Variants in ATG2A observed in about 807,000 individuals in gnomAD.
ATG2A encodes the protein autophagy related 2A.
A neutral mutation model predicts 214.2 loss-of-function variants in ATG2A; 103 were observed. The observed-to-expected ratio is 0.48, with a 90% CI of 0.41 to 0.57. The LOEUF is 0.57. Ranked by LOEUF, ATG2A falls within the 20% of genes least tolerant of loss-of-function variation. The pLI, the probability that ATG2A is intolerant of heterozygous loss-of-function variation, is 0.00. For synonymous variants in ATG2A, 1,160 were observed against 1,142.1 expected, an observed-to-expected ratio of 1.02 and a Z score of -0.32; for missense variants, 2,312 against 2,613.2, an observed-to-expected ratio of 0.88 and a Z score of 2.51.
In ATG2A at chr11:64,909,289, C is replaced by T. The variant is rs144151417; in HGVS notation, c.2186G>A (p.Arg729His). The T allele has an allele frequency of 3.6e-4, 581 of 1,613,680 alleles. 2 individuals are homozygous for T. In the African/African-American group the frequency reaches 6.6e-3, roughly 18 times the overall value. ...SKALDPKSTG[R>H]KYFLPQVVVT... is the part of the protein sequence containing the mutation. Reference sequence around the variant, plus strand: ...TACTTACTGGGGCAGGAAGTACTTGCGCCCAGTGCTCTTGGGGTCCAGGGC... The same window carrying T: ...TACTTACTGGGGCAGGAAGTACTTGTGCCCAGTGCTCTTGGGGTCCAGGGC... The change falls in exon 15 of 41, where the codon CGC becomes CAC. Residue 729 changes from arginine to histidine, a missense_variant. Transcript: ENST00000377264.
intron 7 of ATG2A, 39 bp from the exon 8 acceptor site, chr11:64,912,288 T>TGGCCCCCC: frequency 6.8e-7 from 1 of 1,471,368 alleles, no homozygotes; most frequent in Non-Finnish European, 9.4e-7. Flanking sequence ...TGGCTGGCCC[T>TGGCCCCCC]CCCAGCCACC....
intron 6 of ATG2A, 178 bp from the exon 7 acceptor site, chr11:64,912,601 T>G (rs1358748179): frequency 1.7e-6 from 1 of 592,062 alleles, no homozygotes; most frequent in East Asian, 3.0e-5. Context: ...TTTCTTTTTT[T>G]CTTCTTTTTG....
chr11:64,902,013 G>C lies in ATG2A; in HGVS notation c.4068C>G (p.Thr1356=). ...GGATGCAGAACTCATCACTGTCCAG[G>C]GTGTCTCCATCGCCCTCCTCTTCCC... ...DEREEEGDGD[T]LDSDEFCILD... Residue 1356 remains threonine, a synonymous_variant, in exon 29 of 41, where the codon ACC becomes ACG. Coordinates refer to ENST00000377264, the MANE Select transcript of ATG2A (RefSeq NM_015104.3). The C allele has an allele frequency of 6.2e-7, 1 of 1,613,818 alleles. No individual in the cohort carries two copies. The highest frequency in any genetic ancestry group is 8.5e-7 in the Non-Finnish European group (1 of 1,180,004).
At position 64,905,831 on chromosome 11, in the gene ATG2A, G is replaced by A. The variant is rs746493893; in HGVS notation, c.3282C>T (p.Asp1094=). 3.0e-5 allele frequency: 49 copies of A among 1,613,420 alleles called. No individual in the cohort carries two copies. The highest frequency in any genetic ancestry group is 1.5e-4 in the South Asian group (14 of 91,088). ...AGCCCAGCACAGGGTCATCCAGCAC[G>A]TCTAGGAACTCCAACAACTTCAGAG... is the stretch of plus-strand genomic sequence containing the variant. ...SWHSQLLEFL[D]VLDDPVLGYL... is the part of the protein sequence containing the mutation. Residue 1094 remains aspartate, a synonymous_variant, in exon 23 of 41, where the codon GAC becomes GAT. Coordinates refer to ENST00000377264, the MANE Select transcript of ATG2A (RefSeq NM_015104.3).
At position 64,914,156 on chromosome 11, in the gene ATG2A, C is replaced by G. The variant is rs1168915040; in HGVS notation, c.412G>C (p.Asp138His). 6.4e-7 allele frequency: 1 copy of G among 1,552,590 alleles called. No homozygotes were observed. The highest frequency in any genetic ancestry group is 8.7e-7 in the Non-Finnish European group (1 of 1,147,948). ...SLQLAQECLRDGLPEPSEPPQ... is the reference protein window; with the variant it reads ...SLQLAQECLRHGLPEPSEPPQ... ...GGCTCAGAGGGCTCCGGTAGCCCATCCCGCAGACACTCCTGGGCCAGCTGC... is the reference window on the plus strand; with the variant it reads ...GGCTCAGAGGGCTCCGGTAGCCCATGCCGCAGACACTCCTGGGCCAGCTGC... The change falls in exon 3 of 41, where the codon GAT becomes CAT. Residue 138 changes from aspartate (D) to histidine (H), a missense_variant. Asp to His is a moderately conservative substitution (Grantham distance 81). Transcript: ENST00000377264.
intron 6 of ATG2A, 102 bp downstream of exon 6, chr11:64,912,936 C>A: frequency 1.2e-6 from 1 of 868,436 alleles, no homozygotes; most frequent in East Asian, 2.7e-5. Context: ...GTAAATCCCG[C>A]ACTTGACATC....
Position 64,901,109 on chromosome 11 carries a change from T to C in ATG2A, c.4120-17A>G. On this transcript the variant is annotated splice_polypyrimidine_tract_variant and intron_variant, in intron 29 of 40. Transcript: ENST00000377264. ...ATCTCGGGGCTGCAGGGAGGCCAGG[T>C]AGACGTGTGACACAGATGTTCGATC... 1 of 1,552,758 alleles carries C rather than the reference T, an allele frequency of 6.4e-7. No individual in the cohort carries two copies. Among genetic ancestry groups the C allele is most frequent in the South Asian group, 1.2e-5 (1 of 84,214 alleles).
chr11:64,895,509 G>A lies in ATG2A; in HGVS notation c.5428-67C>T. 2 of 1,444,528 alleles carry A rather than the reference G, an allele frequency of 1.4e-6. No individual in the cohort carries two copies. The highest frequency in any genetic ancestry group is 2.9e-5 in the South Asian group (2 of 70,012). 89.5% of individuals were successfully genotyped at this position (1,444,528 alleles called of 1,614,324 possible). ...GCACACGTCAGCCCCAGGCCCCCAG[G>A]ACAGTCTGAGACCCCACCAGCCCTC... On this transcript the variant is annotated intron_variant, in intron 39 of 40. Coordinates refer to ENST00000377264, the MANE Select transcript of ATG2A (RefSeq NM_015104.3). The surrounding 1 kb of genome is among the most constrained non-coding windows in gnomAD (Gnocchi z 5.0).
rs535562335 is a variant in ATG2A, at chr11:64,913,533, G to C, written c.591-132C>G. ...AGAGCTGCCCCATCACACCTAGGCC[G>C]TCCTGAACCACCATGTCCAGCCCGG... On this transcript the variant is annotated intron_variant, in intron 4 of 40. Coordinates refer to ENST00000377264, the MANE Select transcript of ATG2A (RefSeq NM_015104.3). The surrounding 1 kb of genome is among the most constrained non-coding windows in gnomAD (Gnocchi z 4.3). 1.7e-6 allele frequency: 2 copies of C among 1,210,374 alleles called. No individual in the cohort carries two copies. The allele number at this position is 1,210,374 out of a possible 1,614,324, so 75.0% of individuals were successfully genotyped here.
At position 64,903,681 on chromosome 11, in the gene ATG2A, G is replaced by C. The variant is rs1218058388; in HGVS notation, c.3465-21C>G. 6.5e-7 allele frequency: 1 copy of C among 1,546,274 alleles called. No individual in the cohort carries two copies. The highest frequency in any genetic ancestry group is 2.0e-5 in the Admixed American group (1 of 50,668). On this transcript the variant is annotated intron_variant, in intron 24 of 40. Transcript: ENST00000377264. The surrounding 1 kb of genome is among the most constrained non-coding windows in gnomAD (Gnocchi z 4.2). ...TGAACCTGGGGGGGAACAGGGCTGA[G>C]AAGGGCCCGGGCACCGCTGCAGGGG...
intron 31 of ATG2A, 29 bp downstream of exon 31, chr11:64,900,465 G>T: frequency 6.2e-7 from 1 of 1,612,656 alleles, no homozygotes. Context: ...TGACACACAC[G>T]TGTAGTAGGC....
Position 64,902,361 on chromosome 11 carries a change from G to A in ATG2A, c.3803C>T (p.Pro1268Leu). 1 of 1,593,862 alleles carries A rather than the reference G, an allele frequency of 6.3e-7. No individual in the cohort carries two copies. Among genetic ancestry groups the A allele is most frequent in the Non-Finnish European group, 8.5e-7 (1 of 1,171,000 alleles). Residue 1268 changes from proline (P) to leucine (L), a missense_variant, in exon 28 of 41, where the codon CCC becomes CTC. Transcript: ENST00000377264. Reference sequence around the variant, plus strand: ...GGCCGTCTCCACTGGGGGGCACGAGGGCAGAGAGGCAGGACTCTCCGAGAG... The same window carrying A: ...GGCCGTCTCCACTGGGGGGCACGAGAGCAGAGAGGCAGGACTCTCCGAGAG... Reference protein sequence around the residue: ...QKLSESPASLPSCPPVETALI... With the variant: ...QKLSESPASLLSCPPVETALI...
intron 31 of ATG2A, among the ~76,000 whole-genome samples, chr11:64,900,204 ACT>A (rs1478843345): frequency 1.4e-5 from 2 of 147,690 alleles, no homozygotes; most frequent in Non-Finnish European, 3.0e-5. Flanking sequence ...CTGCCTGAAA[ACT>A]CTTCCTGGCT....
Position 64,898,912 on chromosome 11 carries a change from C to A in ATG2A, c.4465-70G>T. On this transcript the variant is annotated intron_variant, in intron 31 of 40. Transcript: ENST00000377264. This position sits in a 1 kb window ranked among gnomAD's most constrained non-coding sequence, Gnocchi z 4.5. Reference sequence around the variant, plus strand: ...AGGGAGGGAAGGGCTGGCCCCAGACCCCTTCTCTATTCTTTTTTTGAGACA... The same window carrying A: ...AGGGAGGGAAGGGCTGGCCCCAGACACCTTCTCTATTCTTTTTTTGAGACA... The A allele has an allele frequency of 7.0e-7, 1 of 1,434,816 alleles. No homozygotes were observed. The highest frequency in any genetic ancestry group is 1.2e-5 in the South Asian group (1 of 84,368). 88.9% of individuals were successfully genotyped at this position (1,434,816 alleles called of 1,614,324 possible). A position where few individuals can be genotyped will look rare whatever the true frequency, so the allele number is the denominator to read the frequency against.
rs780294526 is a variant in ATG2A, at chr11:64,901,999, T to C, written c.4082A>G (p.Glu1361Gly). 6.2e-7 allele frequency: 1 copy of C among 1,613,862 alleles called. No homozygotes were observed. The highest frequency in any genetic ancestry group is 1.1e-5 in the South Asian group (1 of 91,084). Residue 1361 changes from glutamate to glycine, a missense_variant, in exon 29 of 41, where the codon GAG becomes GGG. Physicochemically the swap from Glu to Gly is moderately conservative, Grantham distance 98. Transcript: ENST00000377264. ...GCCGGGAGCATCAAGGATGCAGAACTCATCACTGTCCAGGGTGTCTCCATC... is the reference window on the plus strand; with the variant it reads ...GCCGGGAGCATCAAGGATGCAGAACCCATCACTGTCCAGGGTGTCTCCATC... ...EGDGDTLDSD[E>G]FCILDAPGLG...
In ATG2A at chr11:64,898,322, A is replaced by G; in HGVS notation, c.4712T>C (p.Leu1571Pro). Residue 1571 changes from leucine (L) to proline (P), a missense_variant, in exon 33 of 41, where the codon CTG (leucine) becomes CCG (proline). By Grantham distance (98) the Leu-to-Pro change is moderately conservative. Coordinates refer to ENST00000377264, the MANE Select transcript of ATG2A (RefSeq NM_015104.3). This position sits in a 1 kb window ranked among gnomAD's most constrained non-coding sequence, Gnocchi z 4.5. ...KALHVAPTTNLGGPECCLRVS... is the reference protein window; with the variant it reads ...KALHVAPTTNPGGPECCLRVS... ...GCGGAGACAGCACTCAGGCCCACCCAGGTTGGTAGTGGGGGCCACATGCAG... is the reference window on the plus strand; with the variant it reads ...GCGGAGACAGCACTCAGGCCCACCCGGGTTGGTAGTGGGGGCCACATGCAG... 1 of 1,610,836 alleles carries G rather than the reference A, an allele frequency of 6.2e-7. No homozygotes were observed. The highest frequency in any genetic ancestry group is 8.5e-7 in the Non-Finnish European group (1 of 1,178,954).
rs1945022991 is a variant in ATG2A, at chr11:64,917,197, T to C, written c.-62A>G. 6.6e-7 allele frequency: 1 copy of C among 1,515,972 alleles called. No individual in the cohort carries two copies. Among genetic ancestry groups the C allele is most frequent in the Non-Finnish European group, 8.9e-7 (1 of 1,128,508 alleles). 93.9% of individuals were successfully genotyped at this position (1,515,972 alleles called of 1,614,324 possible). On this transcript the variant is annotated 5_prime_UTR_variant, in exon 1 of 41. Coordinates refer to ENST00000377264, the MANE Select transcript of ATG2A (RefSeq NM_015104.3). ...CGCCCGCCGGCGATCCCCGTCCGGC[T>C]CCGCTGTTCACTAGAGCCCCCGGCT...
chr11:64,895,327 C>G lies in ATG2A; in HGVS notation c.5543G>C (p.Arg1848Pro). 6.2e-7 allele frequency: 1 copy of G among 1,613,390 alleles called. No individual in the cohort carries two copies. Among genetic ancestry groups the G allele is most frequent in the Non-Finnish European group, 8.5e-7 (1 of 1,179,868 alleles). ...LRRGQQPADLREGVAKAYDTV... is the reference protein window; with the variant it reads ...LRRGQQPADLPEGVAKAYDTV... ...GTCGTAGGCCTTGGCCACACCCTCC[C>G]GCAGGTCGGCAGGCTGCTGGCCCCT... Residue 1848 changes from arginine (R) to proline (P), a missense_variant, in exon 40 of 41, where the codon CGG (arginine) becomes CCG (proline). Physicochemically the swap from Arg to Pro is moderately radical, Grantham distance 103. Coordinates refer to ENST00000377264, the MANE Select transcript of ATG2A (RefSeq NM_015104.3). This position sits in a 1 kb window ranked among gnomAD's most constrained non-coding sequence, Gnocchi z 5.0.
At chr11:64,908,939 C>A in intron 16 of ATG2A, 52 bp downstream of exon 16, 6 of 1,535,926 alleles carry the variant, frequency 3.9e-6, no homozygotes, top group Non-Finnish European at 5.2e-6. Context: ...ACGGCAGGAA[C>A]CCGGGCGGTG....
Sources: gnomAD v4.1 joint callset for allele counts (sites outside exome capture counted in the v4.1 genomes callset) on GRCh38, gnomAD v4.1.1 for gene constraint, Gnocchi (gnomAD v3.1) non-coding constraint, MANE v1.5 for transcripts, NCBI Gene and HGNC (gene_info 2026-07-23, HGNC 2026-07-21) for gene names.